Variants in ARHGAP32 observed in about 807,000 individuals in gnomAD.
The protein encoded by ARHGAP32 is rho GTPase-activating protein 32.
ARHGAP32 carries 51 observed loss-of-function variants against 186.5 expected under a neutral mutation model. The ratio of observed to expected loss-of-function variants is 0.27; its 90% confidence interval spans 0.22 to 0.35. The LOEUF is 0.35. ARHGAP32 is among the 10% of genes least tolerant of loss of function. The pLI, the probability that ARHGAP32 is intolerant of heterozygous loss-of-function variation, is 1.00. For missense variants in ARHGAP32, 2,186 were observed against 2,623.5 expected (o/e 0.83, Z 3.64); for synonymous variants, 950 against 964.3 (o/e 0.99, Z 0.27).
intron 1 of ARHGAP32, among the ~76,000 whole-genome samples, chr11:129,263,309 AG>A (rs2135713454): frequency 6.6e-6 from 1 of 152,300 alleles, no homozygotes; most frequent in East Asian, 1.9e-4. Flanking sequence ...ACAGAATGGG[AG>A]AAAGTATTTG....
intron 1 of ARHGAP32, among the ~76,000 whole-genome samples, chr11:129,204,678 T>C (rs1313229762): frequency 2.6e-5 from 4 of 152,128 alleles, no homozygotes; most frequent in Admixed American, 6.6e-5. Context: ...TCAGAGAGGG[T>C]TGTAAGAGTA....
At chr11:129,149,467 T>C (rs1943242323) in intron 2 of ARHGAP32, among the ~76,000 whole-genome samples, 1 of 152,178 alleles carries the variant, frequency 6.6e-6, no homozygotes, top group Admixed American at 6.5e-5. Flanking sequence ...CAGGACTCTT[T>C]GCAGACATTC....
At chr11:129,017,026 A>G (rs984597358) in intron 11 of ARHGAP32, among the ~76,000 whole-genome samples, 1 of 152,258 alleles carries the variant, frequency 6.6e-6, no homozygotes, top group Non-Finnish European at 1.5e-5. Context: ...ATTGGTGTAC[A>G]GAAATGCAAT....
intron 1 of ARHGAP32, among the ~76,000 whole-genome samples, chr11:129,198,729 TAC>T (rs752201836): frequency 5.3e-4 from 80 of 152,302 alleles, no homozygotes; most frequent in Admixed American, 3.0e-3. Flanking sequence ...AACAGACTAA[TAC>T]AGTAAACTGG....
At chr11:129,229,980 A>C (rs1195423632) in intron 1 of ARHGAP32, among the ~76,000 whole-genome samples, 1 of 151,952 alleles carries the variant, frequency 6.6e-6, no homozygotes, top group Non-Finnish European at 1.5e-5. Context: ...ACACCTGGCT[A>C]ATTTTTGTAA....
At chr11:129,265,708 A>T (rs971094800) in intron 1 of ARHGAP32, among the ~76,000 whole-genome samples, 1 of 150,922 alleles carries the variant, frequency 6.6e-6, no homozygotes, top group African/African-American at 2.5e-5. Flanking sequence ...GGCATTAGAT[A>T]AAAAAACAAG....
chr11:129,194,314 T>C (rs1944362156), upstream of ARHGAP32, among the ~76,000 whole-genome samples: 2 of 152,140 alleles, frequency 1.3e-5, no homozygotes, highest in Non-Finnish European at 1.5e-5. Flanking sequence ...GACATTATAG[T>C]AGCAAAATAG....
chr11:129,002,937 T>C (rs149312348), intron 11 of ARHGAP32, among the ~76,000 whole-genome samples: 6,750 of 150,084 alleles, frequency 0.045, 193 homozygotes, highest in Non-Finnish European at 0.065. Context: ...GCCTCCCGAG[T>C]AGCTGGGACT....
In ARHGAP32 at chr11:129,057,592, A is replaced by T. The variant is rs1591574708; in HGVS notation, c.963+4688T>A. On this transcript the variant is annotated intron_variant, in intron 10 of 22. Coordinates refer to ENST00000682385, the MANE Select transcript of ARHGAP32 (RefSeq NM_001378024.1). ...GGGGGATTGGTTCCAGAACCCCCTC[A>T]TATAGCCAAATCCACACATACTCAA... Among the ~76,000 whole-genome samples, 3 of 151,980 alleles carry T rather than the reference A, an allele frequency of 2.0e-5. 1 individual carries two copies. Among genetic ancestry groups the T allele is most frequent in the Admixed American group, 2.0e-4 (3 of 15,264 alleles).
chr11:128,974,861 C>G lies in ARHGAP32; in HGVS notation c.2336G>C (p.Gly779Ala), dbSNP rs747857594. 3 of 1,614,082 alleles carry G rather than the reference C, an allele frequency of 1.9e-6. No individual in the cohort carries two copies. The East Asian group carries it at 6.7e-5, about 36-fold the overall frequency. The part of the protein sequence containing the change: ...PHDNESEEEG[G>A]LLHIPALMSP... ...CATAAGGGCTGGGATATGAAGCAGC[C>G]CTCCTTCCTCCTCACTCTCATTGTC... The change falls in exon 21 of 23, where the codon GGG becomes GCG. Residue 779 changes from glycine (G) to alanine (A), a missense_variant. Around this residue, in one of 5 missense-constraint regions of ARHGAP32, gnomAD observed 263 missense variants for 323.5 expected, o/e 0.81. Coordinates refer to ENST00000682385, the MANE Select transcript of ARHGAP32 (RefSeq NM_001378024.1).
intron 5 of ARHGAP32, among the ~76,000 whole-genome samples, chr11:129,115,091 G>A (rs1001991887): frequency 2.0e-5 from 3 of 151,980 alleles, no homozygotes; most frequent in African/African-American, 7.2e-5. Flanking sequence ...TCATACCTAT[G>A]GGGTTTGTAA....
chr11:129,241,481 A>T (rs561667608), intron 1 of ARHGAP32, among the ~76,000 whole-genome samples: 2 of 152,100 alleles, frequency 1.3e-5, no homozygotes, highest in Non-Finnish European at 2.9e-5. Flanking sequence ...CATCTCTACA[A>T]ATAATTTTGT....
chr11:129,243,665 G>T (rs1319626987), intron 1 of ARHGAP32, among the ~76,000 whole-genome samples: 1 of 151,974 alleles, frequency 6.6e-6, no homozygotes, highest in African/African-American at 2.4e-5. Flanking sequence ...AGGACTCTTT[G>T]TCTCTCCTCC....
chr11:129,165,152 C>A (rs1374619250), intron 1 of ARHGAP32, among the ~76,000 whole-genome samples: 1 of 151,924 alleles, frequency 6.6e-6, no homozygotes, highest in East Asian at 1.9e-4. Flanking sequence ...TGCAAAATGC[C>A]CCCAAAAAAG....
chr11:129,259,244 G>A (rs1945292313), intron 1 of ARHGAP32, among the ~76,000 whole-genome samples: 1 of 152,122 alleles, frequency 6.6e-6, no homozygotes, highest in Non-Finnish European at 1.5e-5. Context: ...GGAAAGATTA[G>A]TATTGAATAC....
At position 128,974,618 on chromosome 11, in the gene ARHGAP32, G is replaced by A. The variant is rs199606055; in HGVS notation, c.2579C>T (p.Pro860Leu). 447 of 1,614,020 alleles carry A rather than the reference G, an allele frequency of 2.8e-4. 1 individual carries two copies. The highest frequency in any genetic ancestry group is 3.6e-4 in the Non-Finnish European group (428 of 1,180,042). The change falls in exon 21 of 23, where the codon CCA (proline) becomes CTA (leucine). Residue 860 changes from proline (P) to leucine (L), a missense_variant. Transcript: ENST00000682385. ...AGGTTCAGAGCTTGCTGTGCTTCCT[G>A]GAGTCTGACATTGGCTACTACCTGT... ...AETGSSQCQT[P>L]GSTASSEPVS... is the part of the protein sequence containing the mutation.
chr11:129,215,275 G>A (rs1347942089), intron 1 of ARHGAP32, among the ~76,000 whole-genome samples: 1 of 152,138 alleles, frequency 6.6e-6, no homozygotes, highest in Admixed American at 6.6e-5. Flanking sequence ...AGCAATAACA[G>A]TTCCTTTCCT....
chr11:129,020,971 C>T (rs906519558), intron 11 of ARHGAP32, among the ~76,000 whole-genome samples: 2 of 151,800 alleles, frequency 1.3e-5, no homozygotes, highest in African/African-American at 4.8e-5. Context: ...TATCTGGGAC[C>T]GGATCAGGAA....
chr11:129,162,227 T>C (rs1943545811), intron 2 of ARHGAP32, among the ~76,000 whole-genome samples: 1 of 152,128 alleles, frequency 6.6e-6, no homozygotes, highest in South Asian at 2.1e-4. Flanking sequence ...CAAACCACCA[T>C]GGCACATGTA....
Sources: gnomAD v4.1 joint callset for allele counts (sites outside exome capture counted in the v4.1 genomes callset) on GRCh38, gnomAD v4.1.1 for gene constraint, gnomAD v4.1.1 regional missense constraint, MANE v1.5 for transcripts, NCBI Gene and HGNC (gene_info 2026-07-23, HGNC 2026-07-21) for gene names.